The following SHANK2 variants were observed in gnomAD, a reference collection of about 807,000 sequenced individuals.
SHANK2 encodes the protein SH3 and multiple ankyrin repeat domains protein 2.
Under a neutral mutation model 133.7 loss-of-function variants are expected in SHANK2, and 43 were observed. The ratio of observed to expected loss-of-function variants is 0.32; its 90% CI spans 0.25 to 0.41. The LOEUF (loss-of-function observed/expected upper bound fraction) is 0.41, where lower values mean the gene tolerates loss of function less well. Ranked by LOEUF, SHANK2 falls within the 10% of genes least tolerant of loss-of-function variation. SHANK2 has a pLI of 1.00. For synonymous variants in SHANK2, 1,017 were observed against 952.8 expected (o/e 1.07, Z -1.24); for missense variants, 1,994 against 2,235.8 (o/e 0.89, Z 2.18).
chr11:70,612,644 C>T (rs1459192650), intron 17 of SHANK2, among the ~76,000 whole-genome samples: 1 of 152,182 alleles, frequency 6.6e-6, no homozygotes, highest in Non-Finnish European at 1.5e-5. Context: ...CCCAGCGGCC[C>T]CCGGCAGCCA....
chr11:71,154,238 C>T (rs1224263009), intron 2 of SHANK2, among the ~76,000 whole-genome samples: 8 of 152,166 alleles, frequency 5.3e-5, no homozygotes, highest in Admixed American at 2.6e-4. Context: ...CGGGGTCAAA[C>T]GGCTGCAGGA....
At chr11:71,235,593 C>CA (rs1555123612) in intron 1 of SHANK2, among the ~76,000 whole-genome samples, 41 of 89,610 alleles carry the variant, frequency 4.6e-4, no homozygotes, top group African/African-American at 3.2e-3. Flanking sequence ...AACTCTCTCT[C>CA]GGGGAAAAAA....
chr11:70,868,187 G>T (rs1226002690), intron 11 of SHANK2, among the ~76,000 whole-genome samples: 1 of 152,178 alleles, frequency 6.6e-6, no homozygotes, highest in African/African-American at 2.4e-5. Context: ...CACTTTCAAT[G>T]GCTTGGCCCA....
intron 23 of SHANK2, chr11:70,489,972 C>CT: frequency 6.4e-6 from 1 of 156,434 alleles, no homozygotes; most frequent in Admixed American, 6.3e-5. Flanking sequence ...CTCGCACCAC[C>CT]CCGCCCACCC....
intron 13 of SHANK2, among the ~76,000 whole-genome samples, chr11:70,799,152 C>T (rs782011503): frequency 4.0e-5 from 6 of 151,804 alleles, no homozygotes; most frequent in Non-Finnish European, 5.9e-5. Flanking sequence ...AATCCCAGCA[C>T]TTTGGGGGGC....
At chr11:70,626,317 A>T (rs1178846353) in intron 17 of SHANK2, among the ~76,000 whole-genome samples, 1 of 152,218 alleles carries the variant, frequency 6.6e-6, no homozygotes, top group Non-Finnish European at 1.5e-5. Context: ...TGAAACAAAC[A>T]TATCACCCAC....
chr11:71,131,743 A>C (rs1952311408), intron 3 of SHANK2, among the ~76,000 whole-genome samples: 1 of 152,186 alleles, frequency 6.6e-6, no homozygotes, highest in Middle Eastern at 3.2e-3. Flanking sequence ...GAAGTGAAGT[A>C]AGTCAGCCAT....
At chr11:70,943,975 A>C (rs1347564089) in intron 10 of SHANK2, 7 of 456,368 alleles carry the variant, frequency 1.5e-5, no homozygotes, top group Non-Finnish European at 3.1e-5. Context: ...TGAGAGTTTC[A>C]CTCATTTATC....
chr11:71,251,497 G>A (rs981935901), intron 1 of SHANK2, among the ~76,000 whole-genome samples: 14 of 151,748 alleles, frequency 9.2e-5, no homozygotes, highest in Non-Finnish European at 1.6e-4. Context: ...CCTGGCGCCC[G>A]GGGCCGGGGC....
chr11:70,747,440 G>C (rs1591809700), intron 14 of SHANK2, among the ~76,000 whole-genome samples: 1 of 152,200 alleles, frequency 6.6e-6, no homozygotes, highest in South Asian at 2.1e-4. Context: ...CCCCAGGCCA[G>C]GAGCCATGGG....
chr11:70,665,678 C>A (rs1944666723), intron 15 of SHANK2, among the ~76,000 whole-genome samples: 1 of 152,158 alleles, frequency 6.6e-6, no homozygotes. Flanking sequence ...GAATTTCAAC[C>A]CAGACATTGA....
chr11:70,925,041 AG>A (rs1555081317), intron 10 of SHANK2, among the ~76,000 whole-genome samples: 1 of 152,094 alleles, frequency 6.6e-6, no homozygotes. Context: ...CCCTCCACCA[AG>A]CGGTCAGGAA....
chr11:71,123,855 GCTT>G (rs1430303074), intron 3 of SHANK2, among the ~76,000 whole-genome samples: 1 of 152,150 alleles, frequency 6.6e-6, no homozygotes, highest in Non-Finnish European at 1.5e-5. Flanking sequence ...TTCTCCTTGA[GCTT>G]CTATCTTCTG....
rs116193610 is a variant in SHANK2, at chr11:70,524,173, C to T, written c.2062-21242G>A. The stretch of plus-strand genomic sequence containing the variant: ...TACAGATGAGGGACAGAAGCTACAG[C>T]GGAGCCCTGGGTCCTCCCCTCTCTA... On this transcript the variant is annotated intron_variant, in intron 17 of 25. Coordinates refer to ENST00000601538, the MANE Select transcript of SHANK2 (RefSeq NM_012309.5). 6.1e-3 allele frequency among the ~76,000 whole-genome samples: 935 copies of T among 152,298 alleles called. 13 individuals carry two copies. The highest frequency in any genetic ancestry group is 0.02 in the African/African-American group (841 of 41,552).
At chr11:70,579,400 T>G (rs1295670206) in intron 17 of SHANK2, among the ~76,000 whole-genome samples, 3 of 152,236 alleles carry the variant, frequency 2.0e-5, no homozygotes, top group Admixed American at 1.3e-4. Context: ...AGGCTGCAGC[T>G]GGCACTACAT....
intron 10 of SHANK2, among the ~76,000 whole-genome samples, chr11:70,931,660 C>T (rs1950506345): frequency 6.6e-6 from 1 of 152,192 alleles, no homozygotes; most frequent in African/African-American, 2.4e-5. Flanking sequence ...CTGAAAGGGG[C>T]AAGAGAAGGT....
intron 2 of SHANK2, among the ~76,000 whole-genome samples, chr11:71,173,184 G>C (rs1555112555): frequency 2.0e-5 from 3 of 152,128 alleles, no homozygotes. Context: ...ATAAAATACT[G>C]GACTATTGGA....
intron 11 of SHANK2, among the ~76,000 whole-genome samples, chr11:70,823,672 G>C (rs1452455244): frequency 1.4e-5 from 2 of 147,658 alleles, no homozygotes; most frequent in Non-Finnish European, 3.0e-5. Context: ...ACTCATGAGG[G>C]ACAGAGGTGG....
At chr11:70,706,543 C>T (rs975841681) in intron 14 of SHANK2, among the ~76,000 whole-genome samples, 1 of 152,116 alleles carries the variant, frequency 6.6e-6, no homozygotes, top group African/African-American at 2.4e-5. Context: ...TTCCCCTTCT[C>T]AGCTGTGAAG....
Sources: gnomAD v4.1 joint callset for allele counts (sites outside exome capture counted in the v4.1 genomes callset) on GRCh38, gnomAD v4.1.1 for gene constraint, MANE v1.5 for transcripts, NCBI Gene and HGNC (gene_info 2026-07-23, HGNC 2026-07-21) for gene names.